The following KCNIP4 variants were observed in gnomAD, a reference collection of about 807,000 sequenced individuals.
KCNIP4 encodes Kv channel-interacting protein 4.
Under a neutral mutation model 34.0 loss-of-function variants are expected in KCNIP4, and 12 were observed. The observed-to-expected ratio is 0.35, with a 90% CI of 0.23 to 0.57. KCNIP4 has a LOEUF of 0.57. KCNIP4 is among the 20% of genes least tolerant of loss of function. The probability of loss-of-function intolerance (pLI) is 0.83; values close to 1 mark genes in which losing one functional copy is unlikely to be tolerated. For missense variants in KCNIP4, 238 were observed against 311.7 expected (o/e 0.76, Z 1.78); for synonymous variants, 124 against 102.2 (o/e 1.21, Z -1.29).
intron 1 of KCNIP4, among the ~76,000 whole-genome samples, chr4:21,809,724 T>C (rs867931668): frequency 6.6e-5 from 10 of 152,174 alleles, no homozygotes; most frequent in African/African-American, 2.4e-4. Context: ...AGTTTAATTC[T>C]TTTTTGTTAT....
chr4:21,093,176 G>C (rs1747152371), intron 1 of KCNIP4, among the ~76,000 whole-genome samples: 1 of 152,150 alleles, frequency 6.6e-6, no homozygotes. Flanking sequence ...AAGAACAACT[G>C]TGAGTTGTAC....
At chr4:21,223,595 C>T (rs2109004764) in intron 1 of KCNIP4, among the ~76,000 whole-genome samples, 1 of 152,302 alleles carries the variant, frequency 6.6e-6, no homozygotes, top group South Asian at 2.1e-4. Flanking sequence ...TCCATAAATA[C>T]TGCAAAGCAT....
chr4:20,850,835 A>T, intron 2 of KCNIP4, 168 bp from the exon 3 acceptor site: 1 of 619,466 alleles, frequency 1.6e-6, no homozygotes, highest in Middle Eastern at 4.7e-4. Context: ...GTTTAAGCGT[A>T]TTAAGCTAAA....
At position 21,938,479 on chromosome 4, in the gene KCNIP4, C is replaced by T. The variant is rs1441622826; in HGVS notation, c.61+10092G>A. ...TGAAGGAGTAGTAATATTATTTAATCTACAGAATAATGCTCTTTTCTACGT... is the reference window on the plus strand; with the variant it reads ...TGAAGGAGTAGTAATATTATTTAATTTACAGAATAATGCTCTTTTCTACGT... On this transcript the variant is annotated intron_variant, in intron 1 of 8. Transcript: ENST00000382152. 5.3e-5 allele frequency among the ~76,000 whole-genome samples: 8 copies of T among 152,142 alleles called. No individual in the cohort carries two copies. The East Asian group carries it at 9.6e-4, about 18-fold the overall frequency.
At chr4:21,373,647 C>A (rs886538876) in intron 1 of KCNIP4, among the ~76,000 whole-genome samples, 3 of 147,252 alleles carry the variant, frequency 2.0e-5, no homozygotes, top group African/African-American at 8.1e-5. Context: ...TAATGATCAA[C>A]AAGTCATATA....
chr4:20,954,556 AAAC>A lies in KCNIP4; in HGVS notation c.62-71850_62-71848del, dbSNP rs771001170. On this transcript the variant is annotated intron_variant, in intron 1 of 8. Transcript: ENST00000382152. ...TAAATAAATCGATCAAGGTATAATG[AAAC>A]AACAACAAGAGTGCCACAAGACATT... Among the ~76,000 whole-genome samples, 9 of 152,328 alleles carry A rather than the reference AAAC, an allele frequency of 5.9e-5. No homozygotes were observed. The South Asian group carries it at 6.2e-4, about 11-fold the overall frequency.
intron 1 of KCNIP4, among the ~76,000 whole-genome samples, chr4:21,286,175 A>T (rs1404437281): frequency 6.6e-6 from 1 of 152,186 alleles, no homozygotes; most frequent in Non-Finnish European, 1.5e-5. Flanking sequence ...CCTCACAGCT[A>T]TCAACTTTCA....
At chr4:21,847,047 C>A (rs1209892831) in intron 1 of KCNIP4, 2 of 152,128 alleles carry the variant, frequency 1.3e-5, no homozygotes, top group Non-Finnish European at 2.9e-5. Context: ...TCTTTATAGA[C>A]ATTACCCTTT....
rs143763994 is a variant in KCNIP4 at position 21,369,589 on chromosome 4, C to T, written c.62-486880G>A. Among the ~76,000 whole-genome samples the T allele has an allele frequency of 8.1e-3, 1,191 of 146,564 alleles. 228 individuals are homozygous for T. The highest frequency in any genetic ancestry group is 0.031 in the African/African-American group (1,142 of 36,444). On this transcript the variant is annotated intron_variant, in intron 1 of 8. Transcript: ENST00000382152. ...TCCAGCCTGGGTGCCAGAGTGAGAC[C>T]CTGTCTCTAAAAATTTTTTTAAAAG... is the stretch of plus-strand genomic sequence containing the variant.
At chr4:21,664,374 C>T (rs1357727596) in intron 1 of KCNIP4, among the ~76,000 whole-genome samples, 8 of 150,884 alleles carry the variant, frequency 5.3e-5, no homozygotes, top group East Asian at 3.9e-4. Context: ...CAGAGGCAAC[C>T]AAAACAAACA....
intron 1 of KCNIP4, among the ~76,000 whole-genome samples, chr4:21,000,626 A>C (rs1738040996): frequency 6.6e-6 from 1 of 152,098 alleles, no homozygotes; most frequent in Non-Finnish European, 1.5e-5. Flanking sequence ...TGGAGGTTGC[A>C]GTGAGCCAAG....
chr4:21,004,459 G>A (rs954680623), intron 1 of KCNIP4, among the ~76,000 whole-genome samples: 5 of 152,112 alleles, frequency 3.3e-5, no homozygotes, highest in African/African-American at 9.7e-5. Flanking sequence ...CTGCACCATC[G>A]CTGTCAAGAT....
At chr4:21,718,609 C>T (rs552232597) in intron 1 of KCNIP4, 4 of 152,018 alleles carry the variant, frequency 2.6e-5, no homozygotes, top group African/African-American at 7.2e-5. Context: ...ACTAGCAATG[C>T]CTTCTTCAAA....
chr4:21,475,328 T>C (rs1730860517), intron 1 of KCNIP4, among the ~76,000 whole-genome samples: 3 of 152,154 alleles, frequency 2.0e-5, no homozygotes, highest in Admixed American at 2.0e-4. Flanking sequence ...ATCTTACAGA[T>C]GAAACTGGGG....
At chr4:21,658,464 G>A (rs1748151176) in intron 1 of KCNIP4, among the ~76,000 whole-genome samples, 1 of 152,032 alleles carries the variant, frequency 6.6e-6, no homozygotes, top group Admixed American at 6.5e-5. Flanking sequence ...TGCCCAGGCT[G>A]GAGTGCAATG....
intron 1 of KCNIP4, among the ~76,000 whole-genome samples, chr4:21,001,719 CT>C (rs921237042): frequency 4.6e-5 from 7 of 152,154 alleles, no homozygotes; most frequent in African/African-American, 1.4e-4. Flanking sequence ...CACAAGGACT[CT>C]GTTAGGTGTA....
intron 1 of KCNIP4, among the ~76,000 whole-genome samples, chr4:20,949,738 C>T (rs959935203): frequency 6.6e-6 from 1 of 151,520 alleles, no homozygotes; most frequent in African/African-American, 2.4e-5. Flanking sequence ...AATAACCATT[C>T]TCAGTAAACT....
chr4:21,150,787 G>A (rs377472686), intron 1 of KCNIP4, among the ~76,000 whole-genome samples: 3 of 152,080 alleles, frequency 2.0e-5, no homozygotes, highest in African/African-American at 4.8e-5. Flanking sequence ...TCAGACTATC[G>A]GTCTTAATAT....
chr4:21,157,961 A>G (rs1753269811), intron 1 of KCNIP4, among the ~76,000 whole-genome samples: 1 of 152,108 alleles, frequency 6.6e-6, no homozygotes, highest in Non-Finnish European at 1.5e-5. Context: ...AAGAGAGAAA[A>G]TACAAATTAT....
Sources: gnomAD v4.1 joint callset for allele counts (sites outside exome capture counted in the v4.1 genomes callset) on GRCh38, gnomAD v4.1.1 for gene constraint, MANE v1.5 for transcripts, NCBI Gene and HGNC (gene_info 2026-07-23, HGNC 2026-07-21) for gene names.